DCLRE1C: variants seen among roughly 807,000 people sequenced by gnomAD.
DCLRE1C encodes protein artemis.
Under a neutral mutation model 61.4 loss-of-function variants are expected in DCLRE1C, and 47 were observed. That is an observed-to-expected ratio of 0.77 (90% CI 0.61 to 0.98). DCLRE1C has a LOEUF of 0.98. Ranked by LOEUF, DCLRE1C falls within the 50% of genes least tolerant of loss-of-function variation. The probability of loss-of-function intolerance (pLI) is 0.00; values close to 1 mark genes in which losing one functional copy is unlikely to be tolerated. For synonymous variants in DCLRE1C, 337 were observed against 287.6 expected (o/e 1.17, Z -1.74); for missense variants, 858 against 816.0 (o/e 1.05, Z -0.63).
chr10:14,908,278 A>G lies in DCLRE1C; in HGVS notation c.*130T>C, dbSNP rs562179937. The G allele has an allele frequency of 1.3e-5, 10 of 754,510 alleles. No homozygotes were observed. In the East Asian group the frequency reaches 2.3e-4, roughly 17 times the overall value. 46.7% of individuals were successfully genotyped at this position (754,510 alleles called of 1,614,324 possible). The stretch of plus-strand genomic sequence containing the variant: ...CCCACCTCAAAGTGCTGGGATTACA[A>G]GTGTGAGCCACCACACCCAACCAGG... On this transcript the variant is annotated 3_prime_UTR_variant, in exon 14 of 14. Transcript: ENST00000378278.
intron 13 of DCLRE1C, among the ~76,000 whole-genome samples, chr10:14,911,021 T>C (rs948525117): frequency 4.6e-5 from 7 of 152,240 alleles, no homozygotes; most frequent in Middle Eastern, 3.4e-3. Context: ...ACCTGGAGTT[T>C]ACAGAGCAGA....
chr10:14,908,848 C>G lies in DCLRE1C; in HGVS notation c.1639G>C (p.Gly547Arg). The G allele has an allele frequency of 6.2e-7, 1 of 1,614,186 alleles. No homozygotes were observed. The highest frequency in any genetic ancestry group is 8.5e-7 in the Non-Finnish European group (1 of 1,180,026). The change falls in exon 14 of 14, where the codon GGA (glycine) becomes CGA (arginine). Residue 547 changes from glycine (G) to arginine (R), a missense_variant. Physicochemically the swap from Gly to Arg is moderately radical, Grantham distance 125. Transcript: ENST00000378278. ...GATTGGCTGTCCCAGCCTTGACTTC[C>G]TTGTTCTGTTATGTGTGTTGACTGG... ...SSQSTHITEQ[G>R]SQGWDSQSDT...
chr10:14,932,795 CCTTT>C, intron 9 of DCLRE1C, 55 bp downstream of exon 9: 2 of 1,592,458 alleles, frequency 1.3e-6, no homozygotes, highest in Non-Finnish European at 1.7e-6. Context: ...GAAGCCCTGA[CCTTT>C]CTTCTTTTTC....
chr10:14,903,688 G>C (rs897494942), downstream of DCLRE1C: 1 of 152,162 alleles, frequency 6.6e-6, no homozygotes, highest in Non-Finnish European at 1.5e-5. Context: ...TTCCAACATA[G>C]TATTGAATCT....
At chr10:14,929,127 G>T (rs1264945691) in intron 9 of DCLRE1C, among the ~76,000 whole-genome samples, 1 of 152,128 alleles carries the variant, frequency 6.6e-6, no homozygotes, top group Non-Finnish European at 1.5e-5. Flanking sequence ...TTTCAGGGCC[G>T]GTTGTGGTGG....
chr10:14,925,267 C>A (rs1837781433), intron 11 of DCLRE1C, among the ~76,000 whole-genome samples: 1 of 146,534 alleles, frequency 6.8e-6, no homozygotes, highest in African/African-American at 2.6e-5. Context: ...AAGCCTATAC[C>A]AGAAATGGTT....
chr10:14,931,657 A>G (rs1457260137), intron 9 of DCLRE1C, among the ~76,000 whole-genome samples: 4 of 152,328 alleles, frequency 2.6e-5, no homozygotes, highest in African/African-American at 9.6e-5. Flanking sequence ...CAAGACATGA[A>G]ACTATTTTAA....
intron 9 of DCLRE1C, among the ~76,000 whole-genome samples, chr10:14,929,314 G>A (rs1838571789): frequency 6.6e-6 from 1 of 152,000 alleles, no homozygotes; most frequent in African/African-American, 2.4e-5. Flanking sequence ...TGAGGCGGGA[G>A]AATCGCTTGA....
chr10:14,902,580 A>G, downstream of DCLRE1C: 1 of 992,648 alleles, frequency 1.0e-6, no homozygotes, highest in Non-Finnish European at 1.4e-6. Context: ...TTAAAAATAC[A>G]TATTTGGGAC....
chr10:14,928,806 ACAGT>A (rs1467995550), intron 9 of DCLRE1C, among the ~76,000 whole-genome samples: 1 of 130,018 alleles, frequency 7.7e-6, no homozygotes, highest in Non-Finnish European at 1.7e-5. Context: ...TTTTTTTTAG[ACAGT>A]CTCGCTTTGT....
chr10:14,929,413 T>A (rs75107312), intron 9 of DCLRE1C, among the ~76,000 whole-genome samples: 1 of 145,420 alleles, frequency 6.9e-6, no homozygotes, highest in African/African-American at 2.6e-5. Flanking sequence ...CAAAAAACCA[T>A]TTTTTTTTAA....
chr10:14,924,842 A>G (rs1162319829), intron 11 of DCLRE1C, among the ~76,000 whole-genome samples: 1 of 151,990 alleles, frequency 6.6e-6, no homozygotes, highest in Non-Finnish European at 1.5e-5. Flanking sequence ...GCGAGACTCC[A>G]TCTCAAAAAA....
At chr10:14,898,380 G>C (rs1421731929) in exon 14 of DCLRE1C, 2 of 151,816 alleles carry the variant, frequency 1.3e-5, no homozygotes, top group Non-Finnish European at 2.9e-5. Context: ...CTGAAGGGTA[G>C]GTTGAGCTGT....
In DCLRE1C at chr10:14,928,470, T is replaced by C. The variant is rs41298882; in HGVS notation, c.781-318A>G. Among the ~76,000 whole-genome samples, 1,258 of 152,280 alleles carry C rather than the reference T, an allele frequency of 8.3e-3. 24 individuals carry two copies. The highest frequency in any genetic ancestry group is 0.028 in the African/African-American group (1,183 of 41,546). Reference sequence around the variant, plus strand: ...GGACGACCCTCAAATAAATCCTGGATGCCCCTGTCCCCCTATTCTACAAGC... The same window carrying C: ...GGACGACCCTCAAATAAATCCTGGACGCCCCTGTCCCCCTATTCTACAAGC... On this transcript the variant is annotated intron_variant, in intron 9 of 13. Coordinates refer to ENST00000378278, the MANE Select transcript of DCLRE1C (RefSeq NM_001033855.3).
At chr10:14,910,273 T>C (rs1835031556) in intron 13 of DCLRE1C, among the ~76,000 whole-genome samples, 1 of 152,202 alleles carries the variant, frequency 6.6e-6, no homozygotes, top group African/African-American at 2.4e-5. Context: ...GTAACTGAAC[T>C]TAGGGCTTAA....
chr10:14,953,800 G>C, intron 1 of DCLRE1C, 102 bp downstream of exon 1: 2 of 1,544,686 alleles, frequency 1.3e-6, no homozygotes, highest in Non-Finnish European at 1.8e-6. Context: ...CCCCTCGCTG[G>C]CTTCCCACAG....
At chr10:14,916,320 T>G (rs553362289) in intron 13 of DCLRE1C, among the ~76,000 whole-genome samples, 1 of 152,132 alleles carries the variant, frequency 6.6e-6, no homozygotes, top group Non-Finnish European at 1.5e-5. Flanking sequence ...ATGATGATCT[T>G]ATATAGAAAC....
intron 12 of DCLRE1C, 131 bp from the exon 13 acceptor site, chr10:14,919,963 G>T: frequency 1.4e-6 from 1 of 735,462 alleles, no homozygotes; most frequent in Non-Finnish European, 2.4e-6. Flanking sequence ...ACAAAATCTT[G>T]ACCATAAGGG....
At chr10:14,921,666 C>G (rs1188518773) in intron 12 of DCLRE1C, among the ~76,000 whole-genome samples, 1 of 152,150 alleles carries the variant, frequency 6.6e-6, no homozygotes, top group Non-Finnish European at 1.5e-5. Flanking sequence ...TATTTGACTT[C>G]TCAAGACACT....
Sources: allele counts gnomAD v4.1 joint callset (sites outside exome capture counted in the v4.1 genomes callset), GRCh38; gene constraint gnomAD v4.1.1; transcripts MANE v1.5; gene names NCBI Gene and HGNC (gene_info 2026-07-23, HGNC 2026-07-21).